ICA1L: variants seen among roughly 807,000 people sequenced by gnomAD.
ICA1L encodes the protein islet cell autoantigen 1 like, also known as islet cell autoantigen 1-like protein.
Under a neutral mutation model 61.3 loss-of-function variants are expected in ICA1L, and 50 were observed. The observed-to-expected ratio is 0.82, with a 90% confidence interval of 0.65 to 1.03. The LOEUF (loss-of-function observed/expected upper bound fraction) is 1.03. Among genes scored for constraint, ICA1L ranks in the 50% least tolerant of loss-of-function variants. ICA1L has a pLI of 0.00. For missense variants in ICA1L, 508 were observed against 556.7 expected, an observed-to-expected ratio of 0.91 and a Z score of 0.88; for synonymous variants, 161 against 191.3, an observed-to-expected ratio of 0.84 and a Z score of 1.31.
At chr2:202,844,550 C>T (rs1433231225) in intron 1 of ICA1L, 1 of 152,112 alleles carries the variant, frequency 6.6e-6, no homozygotes, top group Non-Finnish European at 1.5e-5. Context: ...TTAAATTCAA[C>T]AAGCCAGTCA....
intron 1 of ICA1L, chr2:202,841,422 C>T (rs1694326225): frequency 8.4e-7 from 1 of 1,184,538 alleles, no homozygotes; most frequent in Non-Finnish European, 1.2e-6. Flanking sequence ...TCCACTTGGT[C>T]TCCAGCATCT....
chr2:202,777,041 T>G lies in ICA1L; in HGVS notation c.*2492A>C, dbSNP rs1329698244. Reference sequence around the variant, plus strand: ...GGTACAAACTCTCAAGACATAAAGTTAGCTTTTTTTTTTTTTTTTTTTTTT... The same window carrying G: ...GGTACAAACTCTCAAGACATAAAGTGAGCTTTTTTTTTTTTTTTTTTTTTT... On this transcript the variant is annotated 3_prime_UTR_variant, in exon 13 of 13. Coordinates refer to ENST00000358299, the MANE Select transcript of ICA1L (RefSeq NM_001288622.3). 1 of 136,644 alleles carries G rather than the reference T, an allele frequency of 7.3e-6. No homozygotes were observed. The highest frequency in any genetic ancestry group is 1.5e-5 in the Non-Finnish European group (1 of 64,748). The allele number at this position is 136,644 out of a possible 1,614,324, so 8.5% of individuals were successfully genotyped here.
chr2:202,840,905 C>A (rs1694309925), intron 1 of ICA1L: 4 of 706,654 alleles, frequency 5.7e-6, no homozygotes, highest in South Asian at 5.5e-5. Flanking sequence ...GCTTCCCAGC[C>A]AGCGTCTGCA....
chr2:202,825,529 A>G, intron 3 of ICA1L, 166 bp downstream of exon 3: 1 of 1,345,162 alleles, frequency 7.4e-7, no homozygotes, highest in Non-Finnish European at 9.5e-7. Context: ...TAACTGAGGA[A>G]AGAAGAGAGA....
intron 1 of ICA1L, among the ~76,000 whole-genome samples, chr2:202,834,770 TTC>T (rs1292423976): frequency 6.6e-6 from 1 of 152,208 alleles, no homozygotes; most frequent in African/African-American, 2.4e-5. Context: ...CATCATATAG[TTC>T]TTTTTCATTA....
rs544601779 is a variant in ICA1L at position 202,827,670 on chromosome 2, A to C, written c.162+1178T>G. 2.0e-5 allele frequency among the ~76,000 whole-genome samples: 3 copies of C among 152,310 alleles called. No homozygotes were observed. In the South Asian group the frequency reaches 6.2e-4, roughly 32 times the overall value. On this transcript the variant is annotated intron_variant, in intron 2 of 12. Coordinates refer to ENST00000358299, the MANE Select transcript of ICA1L (RefSeq NM_001288622.3). ...CTTATATATTCCCACTTCTATGGGA[A>C]TATATCTGGAACAAGTTCCTGTTGC... is the stretch of plus-strand genomic sequence containing the variant.
rs192893392 is a variant in ICA1L at position 202,798,433 on chromosome 2, G to T, written c.911-1469C>A. Among the ~76,000 whole-genome samples the T allele has an allele frequency of 6.6e-5, 10 of 152,102 alleles. No individual in the cohort carries two copies. In the East Asian group the frequency reaches 1.7e-3, roughly 26 times the overall value. ...TTTTTAAATTTTTTGTAGAAACAGG[G>T]TCTCACTATGTTACCCAGGCAAGTT... On this transcript the variant is annotated intron_variant, in intron 9 of 12. Coordinates refer to ENST00000358299, the MANE Select transcript of ICA1L (RefSeq NM_001288622.3).
intron 10 of ICA1L, 136 bp downstream of exon 10, chr2:202,796,754 G>A: frequency 1.8e-6 from 1 of 541,578 alleles, no homozygotes; most frequent in Non-Finnish European, 3.2e-6. Context: ...CCATTGTGAT[G>A]TGCTACAAAG....
intron 4 of ICA1L, 23 bp downstream of exon 4, chr2:202,821,335 G>A: frequency 6.2e-7 from 1 of 1,604,714 alleles, no homozygotes; most frequent in Non-Finnish European, 8.5e-7. Flanking sequence ...ACAGATTCAA[G>A]ATAATGAACA....
intron 1 of ICA1L, chr2:202,841,632 G>T: frequency 1.6e-6 from 1 of 620,272 alleles, no homozygotes. Flanking sequence ...AGGACACCCC[G>T]AAAGATGCTG....
chr2:202,774,087 TA>T lies in ICA1L; in HGVS notation c.*5445del. Reference sequence around the variant, plus strand: ...TCCTAGCTGCCTAATATGATAATATTAGGAATCCCATCAATGATTGGATAAG... The same window carrying T: ...TCCTAGCTGCCTAATATGATAATATTGGAATCCCATCAATGATTGGATAAG... On this transcript the variant is annotated 3_prime_UTR_variant, in exon 13 of 13. Transcript: ENST00000358299. The T allele has an allele frequency of 9.3e-7, 1 of 1,077,336 alleles. No individual in the cohort carries two copies. The highest frequency in any genetic ancestry group is 1.4e-5 in the South Asian group (1 of 72,672). 66.7% of individuals were successfully genotyped at this position (1,077,336 alleles called of 1,614,324 possible). A position where few individuals can be genotyped will look rare whatever the true frequency, so the allele number is the denominator to read the frequency against.
chr2:202,869,345 A>G (rs971254155), intron 1 of ICA1L, among the ~76,000 whole-genome samples: 2 of 152,228 alleles, frequency 1.3e-5, no homozygotes, highest in African/African-American at 4.8e-5. Context: ...CGACAGAGCG[A>G]GACTCTGTCT....
intron 1 of ICA1L, among the ~76,000 whole-genome samples, chr2:202,842,432 T>C (rs1289664726): frequency 2.0e-5 from 3 of 152,196 alleles, no homozygotes; most frequent in South Asian, 2.1e-4. Context: ...TAAAGTATTG[T>C]TGTTTGACAG....
intron 4 of ICA1L, among the ~76,000 whole-genome samples, chr2:202,820,342 T>C: frequency 6.7e-6 from 1 of 149,482 alleles, no homozygotes; most frequent in South Asian, 2.1e-4. Context: ...GCCACTGCAC[T>C]CCAGCCTGGG....
chr2:202,850,363 C>G (rs1574378321), intron 1 of ICA1L, among the ~76,000 whole-genome samples: 1 of 152,192 alleles, frequency 6.6e-6, no homozygotes. Flanking sequence ...CATGTTCTAA[C>G]CCAATGCAAG....
chr2:202,869,726 T>C (rs1008554720), intron 1 of ICA1L: 1 of 152,188 alleles, frequency 6.6e-6, no homozygotes, highest in African/African-American at 2.4e-5. Context: ...TTTTAGTCTT[T>C]TTTTATCTCA....
In ICA1L at chr2:202,824,239, A is replaced by G. The variant is rs1026265320; in HGVS notation, c.235+1456T>C. On this transcript the variant is annotated intron_variant, in intron 3 of 12. Transcript: ENST00000358299. ...AAGATGGTGAAACCCCGTCTCTACTAAAAATACAAAAATTGGCCAGGCATG... is the reference window on the plus strand; with the variant it reads ...AAGATGGTGAAACCCCGTCTCTACTGAAAATACAAAAATTGGCCAGGCATG... Among the ~76,000 whole-genome samples, 3 of 152,236 alleles carry G rather than the reference A, an allele frequency of 2.0e-5. No homozygotes were observed. In the South Asian group the frequency reaches 6.2e-4, roughly 32 times the overall value.
At chr2:202,818,458 C>A (rs1210483428) in intron 5 of ICA1L, among the ~76,000 whole-genome samples, 2 of 152,064 alleles carry the variant, frequency 1.3e-5, no homozygotes, top group Non-Finnish European at 2.9e-5. Flanking sequence ...TGTGGAGGGA[C>A]CAGGGATCAG....
At chr2:202,797,132 TTGTGTG>T (rs58006631) in intron 9 of ICA1L, among the ~76,000 whole-genome samples, 168 bp from the exon 10 acceptor site, 111 of 147,816 alleles carry the variant, frequency 7.5e-4, no homozygotes, top group Middle Eastern at 3.4e-3. Flanking sequence ...AAAATCACAT[TTGTGTG>T]TGTGTGTGTG....
Sources: gnomAD v4.1 joint callset for allele counts (sites outside exome capture counted in the v4.1 genomes callset) on GRCh38, gnomAD v4.1.1 for gene constraint, MANE v1.5 for transcripts, NCBI Gene and HGNC (gene_info 2026-07-23, HGNC 2026-07-21) for gene names.